C1RL: variants seen among roughly 807,000 people sequenced by gnomAD.
C1RL encodes complement C1r subcomponent like.
C1RL carries 27 observed loss-of-function variants against 27.9 expected under a neutral mutation model. That is an observed-to-expected ratio of 0.97 (90% CI 0.71 to 1.33). The LOEUF (loss-of-function observed/expected upper bound fraction) is 1.33, where lower values mean the gene tolerates loss of function less well. Ranked by LOEUF, C1RL falls within the 40% of genes most tolerant of loss-of-function variation. The pLI is 0.00. For missense variants in C1RL, 563 were observed against 623.9 expected, an observed-to-expected ratio of 0.90 and a Z score of 1.04; for synonymous variants, 248 against 252.1, an observed-to-expected ratio of 0.98 and a Z score of 0.15.
Position 7,099,643 on chromosome 12 carries a change from C to T in C1RL, c.691+43G>A, listed in dbSNP as rs1938553344. The T allele has an allele frequency of 2.6e-6, 4 of 1,547,588 alleles. No individual in the cohort carries two copies. The East Asian group carries it at 9.8e-5, about 38-fold the overall frequency. On this transcript the variant is annotated intron_variant, in intron 5 of 5. Transcript: ENST00000266542. The stretch of plus-strand genomic sequence containing the variant: ...TGTGTCCTGTAGGTCCCAGTTGCAG[C>T]TGAGGCTTGTTGGGGGAATGGTGCT...
Position 7,095,753 on chromosome 12 carries a change from C to T in C1RL, c.*638G>A. 6.3e-6 allele frequency: 5 copies of T among 791,120 alleles called. No homozygotes were observed. Among genetic ancestry groups the T allele is most frequent in the Non-Finnish European group, 7.7e-6 (5 of 652,808 alleles). 49.0% of individuals were successfully genotyped at this position (791,120 alleles called of 1,614,324 possible). On this transcript the variant is annotated 3_prime_UTR_variant, in exon 6 of 6. Coordinates refer to ENST00000266542, the MANE Select transcript of C1RL (RefSeq NM_016546.4). Reference sequence around the variant, plus strand: ...ACCAGCTGTGGGACTTGGGCAAGTCCCTTTATCCCCTGAGCCTCAGTTTCC... The same window carrying T: ...ACCAGCTGTGGGACTTGGGCAAGTCTCTTTATCCCCTGAGCCTCAGTTTCC...
chr12:7,107,128 G>A (rs1271255625), intron 2 of C1RL, among the ~76,000 whole-genome samples: 1 of 151,992 alleles, frequency 6.6e-6, no homozygotes, highest in Non-Finnish European at 1.5e-5. Context: ...GGGCGGGGAG[G>A]AACAGCTTGG....
chr12:7,107,594 A>G (rs1455983773), intron 2 of C1RL, among the ~76,000 whole-genome samples: 4 of 152,162 alleles, frequency 2.6e-5, no homozygotes, highest in Non-Finnish European at 2.9e-5. Flanking sequence ...TAAAATTTAA[A>G]TCAAAAGATA....
At chr12:7,099,584 C>T in intron 5 of C1RL, 102 bp downstream of exon 5, 1 of 1,483,050 alleles carries the variant, frequency 6.7e-7, no homozygotes, top group South Asian at 1.3e-5. Context: ...TGCTTCTTAT[C>T]TTCCTTTCTA....
rs759478289 is a variant in C1RL, at chr12:7,096,477, T to C, written c.1378A>G (p.Ile460Val). The change falls in exon 6 of 6, where the codon ATA (isoleucine) becomes GTA (valine). Residue 460 changes from isoleucine (I) to valine (V), a missense_variant. By Grantham distance (29) the Ile-to-Val change is conservative. Coordinates refer to ENST00000266542, the MANE Select transcript of C1RL (RefSeq NM_016546.4). ...AAGTCATACCCTTCGCCACACCCTA[T>C]GCCCCAGGACACAATGCCCGTGGCC... ...WVATGIVSWG[I>V]GCGEGYDFYT... The C allele has an allele frequency of 8.1e-6, 13 of 1,614,030 alleles. No individual in the cohort carries two copies. The East Asian group carries it at 2.7e-4, about 33-fold the overall frequency.
In C1RL at chr12:7,101,979, G is replaced by A. The variant is rs919180353; in HGVS notation, c.409C>T (p.Leu137=). 2 of 1,614,126 alleles carry A rather than the reference G, an allele frequency of 1.2e-6. No individual in the cohort carries two copies. The highest frequency in any genetic ancestry group is 1.3e-5 in the African/African-American group (1 of 74,946). ...EFVSSGRSLR[L]TFRTQPSSEN... is the part of the protein sequence containing the mutation. ...GAGGAAGGCTGTGTGCGGAAGGTCAGCCGCAAACTCCTCCCTGAGGATACA... is the reference window on the plus strand; with the variant it reads ...GAGGAAGGCTGTGTGCGGAAGGTCAACCGCAAACTCCTCCCTGAGGATACA... Residue 137 remains leucine (L), a synonymous_variant, in exon 3 of 6, where the codon CTG becomes TTG. Coordinates refer to ENST00000266542, the MANE Select transcript of C1RL (RefSeq NM_016546.4).
rs1938451627 is a variant in C1RL, at chr12:7,096,873, A to G, written c.982T>C (p.Tyr328His). 6.3e-7 allele frequency: 1 copy of G among 1,599,616 alleles called. No homozygotes were observed. ...AAGTTATGGGACTCATTCTGACGGT[A>G]GTCGGGGTGCACAACGACACGGTGG... Reference protein sequence around the residue: ...PVHRVVVHPDYRQNESHNFSG... With the variant: ...PVHRVVVHPDHRQNESHNFSG... The change falls in exon 6 of 6, where the codon TAC (tyrosine) becomes CAC (histidine). Residue 328 changes from tyrosine to histidine, a missense_variant. Physicochemically the swap from Tyr to His is moderately conservative, Grantham distance 83. Coordinates refer to ENST00000266542, the MANE Select transcript of C1RL (RefSeq NM_016546.4).
At position 7,095,471 on chromosome 12, in the gene C1RL, C is replaced by A; in HGVS notation, c.*920G>T. 1 of 992,034 alleles carries A rather than the reference C, an allele frequency of 1.0e-6. No individual in the cohort carries two copies. 61.5% of individuals were successfully genotyped at this position (992,034 alleles called of 1,614,324 possible). On this transcript the variant is annotated 3_prime_UTR_variant, in exon 6 of 6. Transcript: ENST00000266542. The stretch of plus-strand genomic sequence containing the variant: ...GTTGGTCCTCTCAGGTGGAGCAGTT[C>A]CCCTGATGATAGGGGCACAGGTGGG...
intron 2 of C1RL, among the ~76,000 whole-genome samples, chr12:7,107,468 C>T (rs867898741): frequency 4.6e-5 from 7 of 151,920 alleles, no homozygotes; most frequent in African/African-American, 1.7e-4. Flanking sequence ...CTGCGCCCAG[C>T]CTTAGAAAAC....
chr12:7,096,328 T>C lies in C1RL; in HGVS notation c.*63A>G. The C allele has an allele frequency of 9.7e-7, 1 of 1,029,806 alleles. No homozygotes were observed. The highest frequency in any genetic ancestry group is 1.2e-6 in the Non-Finnish European group (1 of 812,686). The allele number at this position is 1,029,806 out of a possible 1,614,324, so 63.8% of individuals were successfully genotyped here. On this transcript the variant is annotated 3_prime_UTR_variant, in exon 6 of 6. Transcript: ENST00000266542. Reference sequence around the variant, plus strand: ...CCCTACCCCAGTGTTCAGTCCTCACTCCAGGCCCTCTGTTGCCTGGGGCCT... The same window carrying C: ...CCCTACCCCAGTGTTCAGTCCTCACCCCAGGCCCTCTGTTGCCTGGGGCCT...
rs762003491 is a variant in C1RL, at chr12:7,097,154, C to A, written c.701G>T (p.Arg234Leu). The change falls in exon 6 of 6, where the codon CGG becomes CTG. Residue 234 changes from arginine (R) to leucine (L), a missense_variant. By Grantham distance (102) the Arg-to-Leu change is moderately radical. Coordinates refer to ENST00000266542, the MANE Select transcript of C1RL (RefSeq NM_016546.4). ...EVLQCMPVCG[R>L]PVTPIAQNQT... is the part of the protein sequence containing the mutation. ...ATTCTGGGCAATGGGGGTGACTGGCCGTCCGCAGACTGGGAGAGAGGCGGG... is the reference window on the plus strand; with the variant it reads ...ATTCTGGGCAATGGGGGTGACTGGCAGTCCGCAGACTGGGAGAGAGGCGGG... The A allele has an allele frequency of 6.2e-7, 1 of 1,603,280 alleles. No homozygotes were observed. The highest frequency in any genetic ancestry group is 8.5e-7 in the Non-Finnish European group (1 of 1,173,952).
At chr12:7,100,652 G>T (rs896398947) in intron 3 of C1RL, among the ~76,000 whole-genome samples, 1 of 152,050 alleles carries the variant, frequency 6.6e-6, no homozygotes, top group Admixed American at 6.6e-5. Flanking sequence ...AGCTGGGTGT[G>T]GTGGCATACC....
In C1RL at chr12:7,096,732, C is replaced by T. The variant is rs150498892; in HGVS notation, c.1123G>A (p.Val375Ile). 5.9e-5 allele frequency: 95 copies of T among 1,612,774 alleles called. 1 individual carries two copies. The highest frequency in any genetic ancestry group is 7.5e-5 in the Non-Finnish European group (88 of 1,179,298). ...CCCATCTCCATGCCAAACCCACTGA[C>T]GTAGCCCAACAAGCCGCTGCGGTAG... ...TLYRSGLLGY[V>I]SGFGMEMGWL... The change falls in exon 6 of 6, where the codon GTC becomes ATC. Residue 375 changes from valine to isoleucine, a missense_variant. Transcript: ENST00000266542.
intron 1 of C1RL, chr12:7,108,765 AG>A (rs1938842681): frequency 1.8e-6 from 1 of 552,812 alleles, no homozygotes; most frequent in Non-Finnish European, 3.2e-6. Context: ...CGTCCAAAGG[AG>A]GGGGGTGCTT....
Position 7,104,101 on chromosome 12 carries a change from G to C in C1RL, c.301-2014C>G, listed in dbSNP as rs767917581. On this transcript the variant is annotated intron_variant, in intron 2 of 5. Transcript: ENST00000266542. The surrounding 1 kb of genome is among the most constrained non-coding windows in gnomAD (Gnocchi z 5.4). ...TGGAAGATGGAGTGGAGATGCAAGTGATAACTTGAGTTTGCAATGATGGGA... is the reference window on the plus strand; with the variant it reads ...TGGAAGATGGAGTGGAGATGCAAGTCATAACTTGAGTTTGCAATGATGGGA... Among the ~76,000 whole-genome samples the C allele has an allele frequency of 6.6e-6, 1 of 152,322 alleles. No homozygotes were observed. The highest frequency in any genetic ancestry group is 2.1e-4 in the South Asian group (1 of 4,824).
intron 1 of C1RL, 98 bp downstream of exon 1, chr12:7,109,012 G>GT (rs1938871123): frequency 1.2e-4 from 20 of 164,892 alleles, no homozygotes; most frequent in Non-Finnish European, 1.3e-4. Flanking sequence ...ATGTGTGTGT[G>GT]GGGGGGGTAG....
In C1RL at chr12:7,104,680, G is replaced by A. The variant is rs1222024872; in HGVS notation, c.301-2593C>T. ...TCCTGAACTGCTGCAACAGGCTGTG[G>A]CCACCCGTGACCCCAAACTGGAATA... On this transcript the variant is annotated intron_variant, in intron 2 of 5. Transcript: ENST00000266542. This position sits in a 1 kb window ranked among gnomAD's most constrained non-coding sequence, Gnocchi z 5.4. 6.6e-6 allele frequency among the ~76,000 whole-genome samples: 1 copy of A among 152,198 alleles called. No individual in the cohort carries two copies. The highest frequency in any genetic ancestry group is 1.9e-4 in the East Asian group (1 of 5,194).
At chr12:7,103,411 C>T (rs1938678755) in intron 2 of C1RL, among the ~76,000 whole-genome samples, 1 of 152,324 alleles carries the variant, frequency 6.6e-6, no homozygotes, top group East Asian at 1.9e-4. Context: ...CACCCAAGAT[C>T]TCAGTTTCCT....
intron 1 of C1RL, 100 bp from the exon 2 acceptor site, chr12:7,108,579 C>T (rs997305459): frequency 4.4e-6 from 4 of 906,526 alleles, no homozygotes; most frequent in Non-Finnish European, 4.9e-6. Context: ...TCAGAGGCCT[C>T]GCGAGGCAGG....
Sources: allele counts gnomAD v4.1 joint callset (sites outside exome capture counted in the v4.1 genomes callset), GRCh38; gene constraint gnomAD v4.1.1; non-coding constraint Gnocchi (gnomAD v3.1); transcripts MANE v1.5; gene names NCBI Gene and HGNC (gene_info 2026-07-23, HGNC 2026-07-21).